The following COG4 variants were observed in gnomAD, a reference collection of about 807,000 sequenced individuals.
COG4 encodes component of oligomeric golgi complex 4.
A neutral mutation model predicts 95.1 loss-of-function variants in COG4; 65 were observed. That is an observed-to-expected ratio of 0.68 (90% CI 0.56 to 0.84). The LOEUF (loss-of-function observed/expected upper bound fraction) is 0.84. COG4 is among the 40% of genes least tolerant of loss of function. The pLI, the probability that COG4 is intolerant of heterozygous loss-of-function variation, is 0.00. For missense variants in COG4, 1,045 were observed against 989.1 expected (o/e 1.06, Z -0.76); for synonymous variants, 421 against 374.8 (o/e 1.12, Z -1.42).
At chr16:70,482,242 T>C (rs1167301746) in intron 15 of COG4, 67 bp from the exon 16 acceptor site, 6 of 943,258 alleles carry the variant, frequency 6.4e-6, no homozygotes, top group Non-Finnish European at 1.1e-5. Flanking sequence ...GCCACCCACC[T>C]CTATCCCTCT....
At chr16:70,481,564 G>A (rs2048993197) in intron 17 of COG4, 77 bp from the exon 18 acceptor site, 4 of 1,602,780 alleles carry the variant, frequency 2.5e-6, no homozygotes, top group Non-Finnish European at 3.4e-6. Context: ...CCAGAGCTGG[G>A]TGGCAAGGCC....
intron 12 of COG4, among the ~76,000 whole-genome samples, chr16:70,494,698 G>A (rs1466081548): frequency 6.6e-6 from 1 of 152,126 alleles, no homozygotes; most frequent in African/African-American, 2.4e-5. Flanking sequence ...TAGGCAGCAA[G>A]CAGCCAATGA....
intron 8 of COG4, among the ~76,000 whole-genome samples, chr16:70,506,627 A>AAC (rs2049582063): frequency 7.3e-6 from 1 of 137,248 alleles, no homozygotes; most frequent in Non-Finnish European, 1.5e-5. Context: ...ACAAAAAAAA[A>AAC]AACATTTAGC....
chr16:70,506,832 T>C (rs1399483520), intron 8 of COG4, among the ~76,000 whole-genome samples: 1 of 151,606 alleles, frequency 6.6e-6, no homozygotes, highest in African/African-American at 2.4e-5. Context: ...TTTAGGATAG[T>C]AGTTACCTTT....
chr16:70,520,783 C>T (rs1326962748), intron 1 of COG4, among the ~76,000 whole-genome samples: 1 of 152,120 alleles, frequency 6.6e-6, no homozygotes, highest in Non-Finnish European at 1.5e-5. Context: ...CTCATTCAAG[C>T]CATTTATTGT....
rs530493728 is a variant in COG4 at position 70,496,491 on chromosome 16, G to T, written c.1482-60C>A. 2.8e-5 allele frequency: 44 copies of T among 1,562,016 alleles called. No individual in the cohort carries two copies. The South Asian group carries it at 4.7e-4, about 17-fold the overall frequency. On this transcript the variant is annotated intron_variant, in intron 11 of 18. Transcript: ENST00000323786. ...GCTCAACTTGGCCACCAGGACAGAAGGGCCAGTCTTCACCACTCTGACCCA... is the reference window on the plus strand; with the variant it reads ...GCTCAACTTGGCCACCAGGACAGAATGGCCAGTCTTCACCACTCTGACCCA...
chr16:70,509,555 T>C (rs1188311395), intron 6 of COG4, among the ~76,000 whole-genome samples, 167 bp from the exon 7 acceptor site: 1 of 152,200 alleles, frequency 6.6e-6, no homozygotes, highest in African/African-American at 2.4e-5. Flanking sequence ...TAGGCAAATA[T>C]GTTAAATATG....
At chr16:70,486,210 T>G (rs994636659) in intron 13 of COG4, among the ~76,000 whole-genome samples, 2 of 152,152 alleles carry the variant, frequency 1.3e-5, no homozygotes, top group Non-Finnish European at 2.9e-5. Context: ...TGCCTGTTTC[T>G]AATCACCACA....
chr16:70,500,824 G>T, intron 9 of COG4, 134 bp downstream of exon 9: 1 of 1,035,056 alleles, frequency 9.7e-7, no homozygotes, highest in Non-Finnish European at 1.5e-6. Context: ...CTTCCTGGGA[G>T]TCAATTTGCC....
At chr16:70,506,593 C>CAAAAAAAAAAAAAAAAAAAAA (rs1237710539) in intron 8 of COG4, among the ~76,000 whole-genome samples, 1 of 14,702 alleles carries the variant, frequency 6.8e-5, no homozygotes, top group Non-Finnish European at 1.2e-4. Flanking sequence ...GAGACTGCCT[C>CAAAAAAAAAAAAAAAAAAAAA]AAAAAAAAAA....
At chr16:70,482,598 T>TG in intron 15 of COG4, 131 bp downstream of exon 15, 1 of 751,550 alleles carries the variant, frequency 1.3e-6, no homozygotes, top group Non-Finnish European at 2.4e-6. Context: ...CTAGTCTTCA[T>TG]GGGTCAGGGT....
In COG4 at chr16:70,510,034, A is replaced by T. The variant is rs548557387; in HGVS notation, c.739-13T>A. On this transcript the variant is annotated splice_polypyrimidine_tract_variant and intron_variant, in intron 5 of 18. Transcript: ENST00000323786. ...CTTTACTGGCCACCTAAAAAAGGAG[A>T]AAACCCACACACATTCCTCAGAAAG... The T allele has an allele frequency of 3.1e-6, 5 of 1,606,212 alleles. No homozygotes were observed. The South Asian group carries it at 4.4e-5, about 14-fold the overall frequency.
intron 3 of COG4, among the ~76,000 whole-genome samples, chr16:70,515,175 C>T (rs1387383205): frequency 1.3e-5 from 2 of 152,046 alleles, no homozygotes; most frequent in African/African-American, 4.8e-5. Flanking sequence ...ACAACCACAA[C>T]CTGCTAATTT....
intron 2 of COG4, among the ~76,000 whole-genome samples, chr16:70,518,729 A>G (rs2049875225): frequency 6.6e-6 from 1 of 151,936 alleles, no homozygotes; most frequent in South Asian, 2.1e-4. Context: ...TGTAATACTA[A>G]CACTTTGGGA....
chr16:70,509,470 G>C, intron 6 of COG4, 82 bp from the exon 7 acceptor site: 1 of 1,491,934 alleles, frequency 6.7e-7, no homozygotes, highest in Non-Finnish European at 9.3e-7. Context: ...ACTAACCGAA[G>C]GTCTAGCTCA....
At chr16:70,489,801 A>G (rs889033729) in intron 13 of COG4, among the ~76,000 whole-genome samples, 3 of 152,120 alleles carry the variant, frequency 2.0e-5, no homozygotes, top group Non-Finnish European at 2.9e-5. Context: ...TCACACGCCA[A>G]CTATGTGCTG....
chr16:70,509,517 A>C, intron 6 of COG4, 129 bp from the exon 7 acceptor site: 4 of 1,031,342 alleles, frequency 3.9e-6, no homozygotes, highest in Non-Finnish European at 5.9e-6. Context: ...AATGAACACA[A>C]ATAGGCCTAG....
intron 3 of COG4, 41 bp from the exon 4 acceptor site, chr16:70,514,550 T>A: frequency 6.3e-7 from 1 of 1,576,250 alleles, no homozygotes; most frequent in Non-Finnish European, 8.7e-7. Flanking sequence ...GTCCTATTCT[T>A]TCAAAAACAC....
chr16:70,482,170 T>G lies in COG4; in HGVS notation c.1926A>C (p.Glu642Asp). ...GGTCGTTGGCCTCATAGTCATTGAATTCTTCCTGTTGTCAGGAAGCAGGGC... is the reference window on the plus strand; with the variant it reads ...GGTCGTTGGCCTCATAGTCATTGAAGTCTTCCTGTTGTCAGGAAGCAGGGC... ...FSVSHNIEEE[E>D]FNDYEANDPW... The change falls in exon 16 of 19, where the codon GAA becomes GAC. Residue 642 changes from glutamate (E) to aspartate (D), a missense_variant. Physicochemically the swap from Glu to Asp is conservative, Grantham distance 45. Transcript: ENST00000323786. 6.2e-7 allele frequency: 1 copy of G among 1,611,392 alleles called. No individual in the cohort carries two copies. Among genetic ancestry groups the G allele is most frequent in the Non-Finnish European group, 8.5e-7 (1 of 1,177,510 alleles).
Sources: allele counts gnomAD v4.1 joint callset (sites outside exome capture counted in the v4.1 genomes callset), GRCh38; gene constraint gnomAD v4.1.1; transcripts MANE v1.5; gene names NCBI Gene and HGNC (gene_info 2026-07-23, HGNC 2026-07-21).